Variants in TNR observed in about 807,000 individuals in gnomAD.
TNR encodes the protein tenascin R, also known as tenascin-R.
A neutral mutation model predicts 150.4 loss-of-function variants in TNR; 45 were observed. That is an observed-to-expected ratio of 0.30 (90% CI 0.24 to 0.38). The LOEUF (loss-of-function observed/expected upper bound fraction) is 0.38, where lower values mean the gene tolerates loss of function less well. TNR is among the 10% of genes least tolerant of loss of function. The pLI is 1.00. For missense variants in TNR, 1,544 were observed against 1,759.1 expected (o/e 0.88, Z 2.19); for synonymous variants, 687 against 678.4 (o/e 1.01, Z -0.20).
intron 1 of TNR, among the ~76,000 whole-genome samples, chr1:175,531,879 T>A (rs945977518): frequency 2.0e-5 from 3 of 152,248 alleles, no homozygotes; most frequent in African/African-American, 7.2e-5. Flanking sequence ...ATGGGCTCCC[T>A]GCCCCTGACT....
At chr1:175,647,435 C>CAAAAAAAAAAAAAAAAAAAAA (rs397745737) in intron 1 of TNR, among the ~76,000 whole-genome samples, 3 of 121,666 alleles carry the variant, frequency 2.5e-5, no homozygotes, top group African/African-American at 9.2e-5. Flanking sequence ...CTATTCGGTG[C>CAAAAAAAAAAAAAAAAAAAAA]AAAAAAAAAA....
chr1:175,606,148 T>C (rs1323254472), intron 1 of TNR, among the ~76,000 whole-genome samples: 2 of 152,254 alleles, frequency 1.3e-5, no homozygotes, highest in African/African-American at 4.8e-5. Flanking sequence ...TTTGTCAGAC[T>C]ATTCAGACCT....
In TNR at chr1:175,413,064, C is replaced by G. The variant is rs370386771; in HGVS notation, c.-63-6287G>C. On this transcript the variant is annotated intron_variant, in intron 2 of 22. Transcript: ENST00000367674. The stretch of plus-strand genomic sequence containing the variant: ...TTTTTGAGTCAGAGTCTCACTCTGT[C>G]AGCCAGGCTGGAGTGCAGTGGCACG... Among the ~76,000 whole-genome samples the G allele has an allele frequency of 2.6e-5, 4 of 152,236 alleles. No individual in the cohort carries two copies. In the East Asian group the frequency reaches 7.7e-4, roughly 29 times the overall value.
intron 2 of TNR, among the ~76,000 whole-genome samples, chr1:175,521,991 G>C (rs1264916343): frequency 6.6e-6 from 1 of 152,244 alleles, no homozygotes; most frequent in Non-Finnish European, 1.5e-5. Flanking sequence ...TGTGTGGACT[G>C]TGATGCATAC....
chr1:175,584,484 T>G (rs1469412157), intron 1 of TNR, among the ~76,000 whole-genome samples: 1 of 152,218 alleles, frequency 6.6e-6, no homozygotes, highest in Non-Finnish European at 1.5e-5. Flanking sequence ...TAAATTACTG[T>G]TGTTTTTAGC....
At chr1:175,581,903 C>A (rs890641554) in intron 1 of TNR, among the ~76,000 whole-genome samples, 21 of 152,022 alleles carry the variant, frequency 1.4e-4, no homozygotes, top group African/African-American at 5.1e-4. Flanking sequence ...ACTGATAGCA[C>A]ATGTTTGGGA....
At chr1:175,491,611 G>T (rs1011674901) in intron 2 of TNR, among the ~76,000 whole-genome samples, 1 of 142,226 alleles carries the variant, frequency 7.0e-6, no homozygotes, top group Admixed American at 7.0e-5. Context: ...ACAAGCATCT[G>T]TGTAATTATG....
At chr1:175,486,281 C>A (rs1405949405) in intron 2 of TNR, among the ~76,000 whole-genome samples, 1 of 152,132 alleles carries the variant, frequency 6.6e-6, no homozygotes, top group South Asian at 2.1e-4. Flanking sequence ...CCTATCCCCC[C>A]ACCCCTCGAC....
In TNR at chr1:175,671,911, CTGTGTGTGTGTG is replaced by C. The variant is rs35804880; in HGVS notation, c.-165+71303_-165+71314del. ...TCCAAGGGAGTCTTATGAGCTGTAC[CTGTGTGTGTGTG>C]TGTGTGTGTGTGTGTGTGTGTGTGT... On this transcript the variant is annotated intron_variant, in intron 1 of 22. Coordinates refer to ENST00000367674, the MANE Select transcript of TNR (RefSeq NM_003285.3). Among the ~76,000 whole-genome samples, 54 of 142,140 alleles carry C rather than the reference CTGTGTGTGTGTG, an allele frequency of 3.8e-4. 1 individual carries two copies. The highest frequency in any genetic ancestry group is 8.2e-4 in the African/African-American group (31 of 37,682). The allele number at this position is 142,140 out of a possible 152,430, so 93.2% of individuals were successfully genotyped here.
At chr1:175,689,613 C>T (rs979624099) in intron 1 of TNR, among the ~76,000 whole-genome samples, 1 of 152,166 alleles carries the variant, frequency 6.6e-6, no homozygotes, top group African/African-American at 2.4e-5. Context: ...GGCTTGGGTC[C>T]CGTGGAGGCC....
chr1:175,722,469 T>G (rs907446161), intron 1 of TNR, among the ~76,000 whole-genome samples: 1 of 152,156 alleles, frequency 6.6e-6, no homozygotes, highest in Non-Finnish European at 1.5e-5. Flanking sequence ...TTTCCTGTCT[T>G]TTTAATTTTT....
At chr1:175,527,018 T>A (rs1202209940) in intron 2 of TNR, among the ~76,000 whole-genome samples, 1 of 152,216 alleles carries the variant, frequency 6.6e-6, no homozygotes, top group East Asian at 1.9e-4. Flanking sequence ...TGTCAAATAT[T>A]CTTTTATCCA....
intron 1 of TNR, among the ~76,000 whole-genome samples, chr1:175,690,742 C>T (rs1666336817): frequency 6.6e-6 from 1 of 151,976 alleles, no homozygotes; most frequent in South Asian, 2.1e-4. Context: ...TGGCTTTGCG[C>T]AGAGAAGTAT....
intron 1 of TNR, among the ~76,000 whole-genome samples, chr1:175,622,223 A>G (rs1663999217): frequency 6.6e-6 from 1 of 152,242 alleles, no homozygotes. Flanking sequence ...GGAGCACTGT[A>G]GGCAAAAAAG....
chr1:175,663,107 C>T lies in TNR; in HGVS notation c.-165+80119G>A, dbSNP rs139419893. On this transcript the variant is annotated intron_variant, in intron 1 of 22. Coordinates refer to ENST00000367674, the MANE Select transcript of TNR (RefSeq NM_003285.3). The stretch of plus-strand genomic sequence containing the variant: ...GTTATCTTTTGAGGTCACAGGCTCC[C>T]GGTTGCCTGGGCCTTACTGTCAAGG... Among the ~76,000 whole-genome samples the T allele has an allele frequency of 1.0e-2, 1,517 of 152,290 alleles. 8 individuals are homozygous for T. Among genetic ancestry groups the T allele is most frequent in the Middle Eastern group, 0.027 (8 of 294 alleles).
At chr1:175,725,304 C>T (rs1667448069) in intron 1 of TNR, among the ~76,000 whole-genome samples, 1 of 152,146 alleles carries the variant, frequency 6.6e-6, no homozygotes, top group Admixed American at 6.5e-5. Flanking sequence ...ATGTGCTTTC[C>T]AGCCATATAA....
chr1:175,688,888 G>C (rs1216326436), intron 1 of TNR, among the ~76,000 whole-genome samples: 1 of 152,246 alleles, frequency 6.6e-6, no homozygotes, highest in East Asian at 1.9e-4. Flanking sequence ...TTTTATGACA[G>C]AAGCCAGAGA....
At chr1:175,475,372 T>C (rs762188068) in intron 2 of TNR, among the ~76,000 whole-genome samples, 1 of 152,100 alleles carries the variant, frequency 6.6e-6, no homozygotes, top group Non-Finnish European at 1.5e-5. Flanking sequence ...TGTTGGTGAG[T>C]TGGTTATGCC....
chr1:175,400,406 T>C (rs951224730), intron 4 of TNR, among the ~76,000 whole-genome samples: 4 of 152,208 alleles, frequency 2.6e-5, no homozygotes, highest in African/African-American at 9.6e-5. Context: ...ATCTGTAAAA[T>C]GAGAAGCTTC....
Sources: allele counts gnomAD v4.1 joint callset (sites outside exome capture counted in the v4.1 genomes callset), GRCh38; gene constraint gnomAD v4.1.1; transcripts MANE v1.5; gene names NCBI Gene and HGNC (gene_info 2026-07-23, HGNC 2026-07-21).